The following SNAPC1 variants were observed in gnomAD, a reference collection of about 807,000 sequenced individuals.
The protein encoded by SNAPC1 is small nuclear RNA activating complex polypeptide 1.
Under a neutral mutation model 50.1 loss-of-function variants are expected in SNAPC1, and 42 were observed. That is an observed-to-expected ratio of 0.84 (90% CI 0.65 to 1.08). The LOEUF is 1.08. Among genes scored for constraint, SNAPC1 ranks in the 50% least tolerant of loss-of-function variants. SNAPC1 has a pLI of 0.00. For synonymous variants in SNAPC1, 164 were observed against 144.2 expected (o/e 1.14, Z -0.98); for missense variants, 477 against 427.3 (o/e 1.12, Z -1.02).
chr14:61,774,678 T>TG (rs2045021701), intron 4 of SNAPC1, among the ~76,000 whole-genome samples: 2 of 129,228 alleles, frequency 1.5e-5, no homozygotes, highest in African/African-American at 6.2e-5. Context: ...TTTTTTTTTT[T>TG]GAGAGGCAGA....
intron 7 of SNAPC1, among the ~76,000 whole-genome samples, chr14:61,781,313 G>T (rs573851981): frequency 8.6e-5 from 13 of 151,988 alleles, no homozygotes; most frequent in Admixed American, 6.5e-4. Flanking sequence ...GCCGGGCGTG[G>T]TGGTGGGCGC....
chr14:61,768,621 C>T lies in SNAPC1; in HGVS notation c.430-15C>T, dbSNP rs752316601. On this transcript the variant is annotated splice_polypyrimidine_tract_variant and intron_variant, in intron 3 of 9. Transcript: ENST00000216294. ...TAAAAGATACTCATTTAAAAAGACA[C>T]GTATTATCACATAGCTGTCATATAG... The T allele has an allele frequency of 9.0e-6, 12 of 1,327,044 alleles. No individual in the cohort carries two copies. Among genetic ancestry groups the T allele is most frequent in the South Asian group, 2.4e-5 (2 of 83,518 alleles). The allele number at this position is 1,327,044 out of a possible 1,614,324, so 82.2% of individuals were successfully genotyped here.
intron 8 of SNAPC1, among the ~76,000 whole-genome samples, chr14:61,785,098 T>G (rs1158341470): frequency 6.6e-6 from 1 of 152,094 alleles, no homozygotes; most frequent in Non-Finnish European, 1.5e-5. Context: ...ATGAATAAAT[T>G]TATTAAGAGA....
rs1328474842 is a variant in SNAPC1 at position 61,766,955 on chromosome 14, T to C, written c.208T>C (p.Tyr70His). ...GGCTTGGCGATATTTTTTACCTCCA[T>C]ACACCTTCCAGATCAGAGTTGGTGC... ...ALAWRYFLPP[Y>H]TFQIRVGALY... Residue 70 changes from tyrosine (Y) to histidine (H), a missense_variant, in exon 2 of 10, where the codon TAC (tyrosine) becomes CAC (histidine). By Grantham distance (83) the Tyr-to-His change is moderately conservative. Coordinates refer to ENST00000216294, the MANE Select transcript of SNAPC1 (RefSeq NM_003082.4). 3 of 1,610,106 alleles carry C rather than the reference T, an allele frequency of 1.9e-6. No homozygotes were observed. The highest frequency in any genetic ancestry group is 1.3e-5 in the African/African-American group (1 of 74,818).
At chr14:61,778,212 G>A in intron 6 of SNAPC1, 72 bp downstream of exon 6, 1 of 847,752 alleles carries the variant, frequency 1.2e-6, no homozygotes, top group East Asian at 2.8e-5. Flanking sequence ...CCCATGGTCA[G>A]TATTATAAGA....
At chr14:61,782,094 T>G (rs990619685) in intron 7 of SNAPC1, among the ~76,000 whole-genome samples, 153 bp from the exon 8 acceptor site, 1 of 152,254 alleles carries the variant, frequency 6.6e-6, no homozygotes, top group African/African-American at 2.4e-5. Context: ...CAGGTAGTTA[T>G]AGTAAGCCAG....
intron 7 of SNAPC1, among the ~76,000 whole-genome samples, chr14:61,779,894 GT>G (rs879573515): frequency 5.3e-5 from 8 of 151,936 alleles, no homozygotes; most frequent in Non-Finnish European, 1.0e-4. Context: ...TTTTAGTAGA[GT>G]TGGGGGTTTC....
intron 1 of SNAPC1, among the ~76,000 whole-genome samples, chr14:61,765,435 A>G (rs2044939830): frequency 6.6e-6 from 1 of 152,238 alleles, no homozygotes; most frequent in Non-Finnish European, 1.5e-5. Flanking sequence ...GGGAGACATG[A>G]GACATCAATC....
chr14:61,786,184 T>C (rs1002697536), intron 8 of SNAPC1, among the ~76,000 whole-genome samples: 1 of 152,134 alleles, frequency 6.6e-6, no homozygotes, highest in Admixed American at 6.5e-5. Flanking sequence ...ACCTAAATTA[T>C]AAAACTTGTG....
At chr14:61,790,325 G>C (rs1263531574) in intron 8 of SNAPC1, among the ~76,000 whole-genome samples, 1 of 152,130 alleles carries the variant, frequency 6.6e-6, no homozygotes, top group East Asian at 1.9e-4. Context: ...GAAGATGATA[G>C]CAACTACTAT....
intron 3 of SNAPC1, among the ~76,000 whole-genome samples, chr14:61,767,992 C>T (rs1025093718): frequency 6.6e-6 from 1 of 152,182 alleles, no homozygotes; most frequent in African/African-American, 2.4e-5. Context: ...ATTGGTCAGG[C>T]TGGTCTTGAA....
chr14:61,782,154 C>A, intron 7 of SNAPC1, 93 bp from the exon 8 acceptor site: 1 of 987,952 alleles, frequency 1.0e-6, no homozygotes. Context: ...GTAAATCTTT[C>A]CTCATCTTTG....
rs752512716 is a variant in SNAPC1 at position 61,768,706 on chromosome 14, G to A, written c.500G>A (p.Arg167His). 38 of 1,610,494 alleles carry A rather than the reference G, an allele frequency of 2.4e-5. No individual in the cohort carries two copies. The highest frequency in any genetic ancestry group is 8.0e-5 in the African/African-American group (6 of 74,806). Residue 167 changes from arginine to histidine, a missense_variant, in exon 4 of 10, where the codon CGT becomes CAT. Arg to His is a conservative substitution (Grantham distance 29). Coordinates refer to ENST00000216294, the MANE Select transcript of SNAPC1 (RefSeq NM_003082.4). ...GAAGAATTTAAGGACCCAAGTGATC[G>A]TGTGATGAAACTTATCACTTCTGAT... is the stretch of plus-strand genomic sequence containing the variant. Reference protein sequence around the residue: ...VTEEFKDPSDRVMKLITSDVL... With the variant: ...VTEEFKDPSDHVMKLITSDVL...
intron 3 of SNAPC1, among the ~76,000 whole-genome samples, chr14:61,767,778 T>TG (rs2044959599): frequency 6.7e-6 from 1 of 148,650 alleles, no homozygotes; most frequent in Non-Finnish European, 1.5e-5. Flanking sequence ...GTAACTTTTT[T>TG]TGTGTGTGTG....
At chr14:61,781,888 C>A (rs894106009) in intron 7 of SNAPC1, among the ~76,000 whole-genome samples, 1 of 152,194 alleles carries the variant, frequency 6.6e-6, no homozygotes, top group Admixed American at 6.5e-5. Flanking sequence ...AAACCTGGAG[C>A]CAAGCGTGAA....
intron 8 of SNAPC1, among the ~76,000 whole-genome samples, chr14:61,784,175 A>G (rs1393117826): frequency 6.6e-6 from 1 of 152,232 alleles, no homozygotes; most frequent in African/African-American, 2.4e-5. Context: ...TGATCAAGAA[A>G]TAGTTCAAAA....
chr14:61,794,885 GTTTTTTTTGTTTGTT>G, intron 9 of SNAPC1, 49 bp from the exon 10 acceptor site: 11 of 1,132,246 alleles, frequency 9.7e-6, no homozygotes, highest in Admixed American at 1.8e-5. Flanking sequence ...AGTGTCAGTT[GTTTTTTTTGTTTGTT>G]TTTTTTTTGT....
rs374635735 is a variant in SNAPC1, at chr14:61,778,064, T to C, written c.694-8T>C. On this transcript the variant is annotated splice_polypyrimidine_tract_variant and splice_region_variant and intron_variant, in intron 5 of 9. Coordinates refer to ENST00000216294, the MANE Select transcript of SNAPC1 (RefSeq NM_003082.4). ...GTATGTGTGTATGTATCTTTTTTGC[T>C]CTTTTAGAATCCATCCTTAAAGTCA... The C allele has an allele frequency of 5.9e-6, 9 of 1,514,440 alleles. No homozygotes were observed. The highest frequency in any genetic ancestry group is 1.4e-5 in the African/African-American group (1 of 71,948). The allele number at this position is 1,514,440 out of a possible 1,614,324, so 93.8% of individuals were successfully genotyped here.
chr14:61,784,503 G>C lies in SNAPC1; in HGVS notation c.976+2106G>C, dbSNP rs567027310. ...CTCTAGATCAAGGAGTCAGCAAACA[G>C]TTTCTGTAAAGGGCCAGGTAGTAAA... On this transcript the variant is annotated intron_variant, in intron 8 of 9. Transcript: ENST00000216294. Among the ~76,000 whole-genome samples the C allele has an allele frequency of 2.0e-5, 3 of 152,138 alleles. No individual in the cohort carries two copies. The South Asian group carries it at 6.2e-4, about 32-fold the overall frequency.
Sources: gnomAD v4.1 joint callset for allele counts (sites outside exome capture counted in the v4.1 genomes callset) on GRCh38, gnomAD v4.1.1 for gene constraint, MANE v1.5 for transcripts, NCBI Gene and HGNC (gene_info 2026-07-23, HGNC 2026-07-21) for gene names.